Variants in ECT2 observed in about 807,000 individuals in gnomAD.
ECT2 encodes epithelial cell transforming 2.
A neutral mutation model predicts 116.9 loss-of-function variants in ECT2; 61 were observed. The ratio of observed to expected loss-of-function variants is 0.52; its 90% CI spans 0.42 to 0.65. ECT2 has a LOEUF of 0.65. ECT2 is among the 30% of genes least tolerant of loss of function. The pLI, the probability that ECT2 is intolerant of heterozygous loss-of-function variation, is 0.00. For missense variants in ECT2, 937 were observed against 1,078.7 expected (o/e 0.87, Z 1.84); for synonymous variants, 358 against 346.4 (o/e 1.03, Z -0.37).
chr3:172,761,188 T>C (rs943328971), intron 7 of ECT2, among the ~76,000 whole-genome samples: 1 of 152,184 alleles, frequency 6.6e-6, no homozygotes, highest in African/African-American at 2.4e-5. Context: ...TAGTCTCCCT[T>C]AGTGTATTTG....
intron 14 of ECT2, among the ~76,000 whole-genome samples, chr3:172,777,131 C>A: frequency 6.6e-6 from 1 of 152,162 alleles, no homozygotes; most frequent in East Asian, 1.9e-4. Flanking sequence ...CTCTGCCTCT[C>A]ACAGTGCTTA....
chr3:172,803,119 C>T (rs1233333751), intron 20 of ECT2, 139 bp downstream of exon 20: 3 of 789,768 alleles, frequency 3.8e-6, no homozygotes, highest in Non-Finnish European at 5.4e-6. Context: ...AAATCGAGGA[C>T]AATTTATGAT....
chr3:172,792,272 A>T (rs1474986023), intron 18 of ECT2, among the ~76,000 whole-genome samples: 2 of 152,242 alleles, frequency 1.3e-5, no homozygotes, highest in African/African-American at 2.4e-5. Context: ...TACTGTTAGA[A>T]AAATGACATG....
chr3:172,826,508 A>G, the ECT2 span, among the ~76,000 whole-genome samples: 7 of 152,204 alleles, frequency 4.6e-5, no homozygotes, highest in Non-Finnish European at 8.8e-5. Flanking sequence ...CACTGTTGAA[A>G]TGACAAAGGA....
Position 172,759,608 on chromosome 3 carries a change from A to AT in ECT2, c.577-539dup, listed in dbSNP as rs1006088834. Among the ~76,000 whole-genome samples the AT allele has an allele frequency of 1.9e-4, 29 of 150,866 alleles. No homozygotes were observed. The East Asian group carries it at 1.9e-3, about 10-fold the overall frequency. On this transcript the variant is annotated intron_variant, in intron 6 of 24. Coordinates refer to ENST00000392692, the MANE Select transcript of ECT2 (RefSeq NM_001258315.2). ...AGGCGCCCGCCACCACGCCTGGCTA[A>AT]TTTTTTTTTGTATTTTTAGTAGAGA...
At chr3:172,800,800 A>C (rs551840612) in intron 18 of ECT2, among the ~76,000 whole-genome samples, 2 of 152,258 alleles carry the variant, frequency 1.3e-5, no homozygotes, top group East Asian at 3.9e-4. Flanking sequence ...TACTTCTGCC[A>C]AAGTGTTGCC....
At chr3:172,761,714 T>G (rs756816984) in intron 8 of ECT2, 31 bp downstream of exon 8, 9 of 1,449,934 alleles carry the variant, frequency 6.2e-6, no homozygotes, top group Admixed American at 3.7e-5. Context: ...TAGTTCATTA[T>G]GTAAATTAAA....
At chr3:172,785,300 A>C (rs1723420434) in intron 17 of ECT2, among the ~76,000 whole-genome samples, 1 of 152,192 alleles carries the variant, frequency 6.6e-6, no homozygotes, top group African/African-American at 2.4e-5. Context: ...TACAGCAGAT[A>C]ATTTTTATGA....
At chr3:172,805,895 T>C in intron 21 of ECT2, 26 bp downstream of exon 21, 1 of 1,603,290 alleles carries the variant, frequency 6.2e-7, no homozygotes, top group Non-Finnish European at 8.5e-7. Context: ...ACATTCTTGG[T>C]TATATAAAAA....
At chr3:172,802,451 A>G (rs1395087909) in intron 18 of ECT2, among the ~76,000 whole-genome samples, 165 bp from the exon 19 acceptor site, 1 of 152,142 alleles carries the variant, frequency 6.6e-6, no homozygotes, top group Admixed American at 6.6e-5. Context: ...TGGGCTCCAT[A>G]GGCATGGAAA....
intron 16 of ECT2, among the ~76,000 whole-genome samples, chr3:172,784,362 T>G (rs1214056789): frequency 6.6e-6 from 1 of 152,194 alleles, no homozygotes; most frequent in East Asian, 1.9e-4. Context: ...GTTTTGCTTT[T>G]AATGATTTTT....
intron 18 of ECT2, among the ~76,000 whole-genome samples, chr3:172,794,239 A>T (rs1725211880): frequency 2.0e-5 from 3 of 152,160 alleles, no homozygotes; most frequent in South Asian, 4.1e-4. Flanking sequence ...TTTAGGTAAA[A>T]ATCATTTAGG....
intron 13 of ECT2, among the ~76,000 whole-genome samples, chr3:172,771,727 A>G (rs74818651): frequency 0.032 from 4,849 of 152,290 alleles, 162 homozygotes; most frequent in East Asian, 0.16. Context: ...TGGGGAATCA[A>G]TGATAATTTA....
intron 14 of ECT2, 78 bp downstream of exon 14, chr3:172,774,100 G>A: frequency 7.1e-7 from 1 of 1,418,236 alleles, no homozygotes; most frequent in East Asian, 2.3e-5. Context: ...GGTACTTCTG[G>A]TTAGCTAAAT....
At chr3:172,800,258 G>A (rs929046178) in intron 18 of ECT2, among the ~76,000 whole-genome samples, 1 of 152,150 alleles carries the variant, frequency 6.6e-6, no homozygotes, top group African/African-American at 2.4e-5. Context: ...TTTTCCATAA[G>A]CCCAGCTGCT....
At chr3:172,813,893 G>A (rs1577041722) in intron 22 of ECT2, among the ~76,000 whole-genome samples, 1 of 106,970 alleles carries the variant, frequency 9.3e-6, no homozygotes, top group Non-Finnish European at 2.1e-5. Flanking sequence ...TAATATTCCA[G>A]TTTTGTTATG....
At chr3:172,765,488 T>C (rs1286240989) in intron 12 of ECT2, among the ~76,000 whole-genome samples, 1 of 152,200 alleles carries the variant, frequency 6.6e-6, no homozygotes, top group Admixed American at 6.5e-5. Context: ...GTCTAATAGA[T>C]ATCTTAAACC....
At position 172,769,220 on chromosome 3, in the gene ECT2, T is replaced by G. The variant is rs571876950; in HGVS notation, c.1428+77T>G. 3.2e-5 allele frequency: 43 copies of G among 1,342,976 alleles called. No individual in the cohort carries two copies. In the East Asian group the frequency reaches 1.0e-3, roughly 31 times the overall value. The allele number at this position is 1,342,976 out of a possible 1,614,324, so 83.2% of individuals were successfully genotyped here. ...AAAAAATCTAGGTGATATTGTTTCT[T>G]ACGAGAAAATTATATAAACATAGTA... On this transcript the variant is annotated intron_variant, in intron 13 of 24. Coordinates refer to ENST00000392692, the MANE Select transcript of ECT2 (RefSeq NM_001258315.2).
At chr3:172,796,808 A>G (rs1176077282) in intron 18 of ECT2, among the ~76,000 whole-genome samples, 2 of 152,050 alleles carry the variant, frequency 1.3e-5, no homozygotes, top group African/African-American at 4.8e-5. Context: ...CTGGGATTTC[A>G]GGCACATGCC....
Sources: gnomAD v4.1 joint callset for allele counts (sites outside exome capture counted in the v4.1 genomes callset) on GRCh38, gnomAD v4.1.1 for gene constraint, MANE v1.5 for transcripts, NCBI Gene and HGNC (gene_info 2026-07-23, HGNC 2026-07-21) for gene names.